EFCAB5: variants seen among roughly 807,000 people sequenced by gnomAD.
EFCAB5 encodes the protein EF-hand calcium binding domain 5.
In EFCAB5, 131 loss-of-function variants were observed where a neutral mutation model predicts 167.9. The ratio of observed to expected loss-of-function variants is 0.78; its 90% CI spans 0.68 to 0.90. EFCAB5 has a LOEUF of 0.90. Ranked by LOEUF, EFCAB5 falls within the 40% of genes least tolerant of loss-of-function variation. The pLI, the probability that EFCAB5 is intolerant of heterozygous loss-of-function variation, is 0.00. For missense variants in EFCAB5, 1,663 were observed against 1,745.2 expected (o/e 0.95, Z 0.84); for synonymous variants, 574 against 602.8 (o/e 0.95, Z 0.70).
intron 8 of EFCAB5, among the ~76,000 whole-genome samples, chr17:30,049,577 CA>C (rs1388344979): frequency 6.6e-6 from 1 of 151,258 alleles, no homozygotes. Context: ...AAAATCCATT[CA>C]CAGAAGAGGA....
intron 7 of EFCAB5, among the ~76,000 whole-genome samples, chr17:30,002,156 A>G (rs2068676494): frequency 6.6e-6 from 1 of 152,186 alleles, no homozygotes; most frequent in Non-Finnish European, 1.5e-5. Flanking sequence ...CTCTATGTCA[A>G]TAAATATTCT....
At chr17:30,038,972 G>A (rs945977764) in intron 8 of EFCAB5, among the ~76,000 whole-genome samples, 1 of 152,024 alleles carries the variant, frequency 6.6e-6, no homozygotes, top group Non-Finnish European at 1.5e-5. Flanking sequence ...CTGGTGTGAC[G>A]AATAAACCCA....
At chr17:30,081,643 C>T (rs2070990109) in intron 17 of EFCAB5, among the ~76,000 whole-genome samples, 1 of 152,188 alleles carries the variant, frequency 6.6e-6, no homozygotes, top group African/African-American at 2.4e-5. Context: ...GGAACTTGAA[C>T]TTGCTATGCC....
At chr17:30,089,107 C>A (rs1029434679) in intron 19 of EFCAB5, among the ~76,000 whole-genome samples, 4 of 152,024 alleles carry the variant, frequency 2.6e-5, no homozygotes, top group Admixed American at 1.3e-4. Flanking sequence ...CACCCCACGA[C>A]AGGCCCCGGT....
intron 4 of EFCAB5, among the ~76,000 whole-genome samples, chr17:29,974,278 C>T (rs2151591841): frequency 6.6e-6 from 1 of 152,032 alleles, no homozygotes; most frequent in African/African-American, 2.4e-5. Context: ...TTGCCAGGTG[C>T]AGTGACTCAC....
rs149794053 is a variant in EFCAB5, at chr17:29,992,520, G to A, written c.768-645G>A. On this transcript the variant is annotated intron_variant, in intron 4 of 22. Coordinates refer to ENST00000394835, the MANE Select transcript of EFCAB5 (RefSeq NM_198529.4). The stretch of plus-strand genomic sequence containing the variant: ...ATGCCACCACACCCGGCTAATTTTT[G>A]TATTTTTAGTAGAGACAGGGTTTTG... Among the ~76,000 whole-genome samples the A allele has an allele frequency of 6.3e-3, 962 of 152,190 alleles. 5 individuals are homozygous for A. Among genetic ancestry groups the A allele is most frequent in the African/African-American group, 0.022 (923 of 41,532 alleles).
At chr17:29,978,535 G>A (rs1285135052) in intron 4 of EFCAB5, among the ~76,000 whole-genome samples, 3 of 152,126 alleles carry the variant, frequency 2.0e-5, no homozygotes, top group Non-Finnish European at 4.4e-5. Flanking sequence ...CTCCCTGGAT[G>A]ACATCCTTGT....
chr17:30,056,477 A>G (rs189652667), intron 12 of EFCAB5, among the ~76,000 whole-genome samples: 103 of 152,310 alleles, frequency 6.8e-4, no homozygotes, highest in Middle Eastern at 6.8e-3. Flanking sequence ...AAAATCAGAC[A>G]TTAGATACTA....
intron 14 of EFCAB5, among the ~76,000 whole-genome samples, chr17:30,068,431 A>G (rs1236027529): frequency 1.3e-5 from 2 of 152,110 alleles, no homozygotes; most frequent in Non-Finnish European, 2.9e-5. Context: ...AGGAATAAAT[A>G]TAACCAGGGA....
intron 22 of EFCAB5, among the ~76,000 whole-genome samples, chr17:30,105,010 A>G (rs1052276130): frequency 2.0e-5 from 3 of 152,116 alleles, no homozygotes; most frequent in African/African-American, 7.2e-5. Flanking sequence ...AAAGGAACAG[A>G]GCTCTTCATG....
intron 3 of EFCAB5, among the ~76,000 whole-genome samples, chr17:29,965,906 C>T (rs2067818371): frequency 6.6e-6 from 1 of 151,880 alleles, no homozygotes; most frequent in South Asian, 2.1e-4. Context: ...GCTATAATGA[C>T]ATGAAGCTTT....
chr17:30,094,429 G>T (rs2071255629), intron 22 of EFCAB5, among the ~76,000 whole-genome samples: 1 of 149,908 alleles, frequency 6.7e-6, no homozygotes, highest in African/African-American at 2.5e-5. Context: ...CCGACACTTT[G>T]GGAGGCCAAC....
Position 30,105,346 on chromosome 17 carries a change from G to T in EFCAB5, c.4322-2488G>T, listed in dbSNP as rs569474798. 5.9e-5 allele frequency among the ~76,000 whole-genome samples: 9 copies of T among 152,240 alleles called. No homozygotes were observed. In the South Asian group the frequency reaches 1.7e-3, roughly 28 times the overall value. On this transcript the variant is annotated intron_variant, in intron 22 of 22. Transcript: ENST00000394835. Reference sequence around the variant, plus strand: ...TACCAAAAATATAAAAATTAGCCAGGCCTGGTGATGGGCGTCTGTAATCCC... The same window carrying T: ...TACCAAAAATATAAAAATTAGCCAGTCCTGGTGATGGGCGTCTGTAATCCC...
chr17:30,015,520 A>G (rs2069013636), intron 7 of EFCAB5, among the ~76,000 whole-genome samples: 1 of 152,222 alleles, frequency 6.6e-6, no homozygotes, highest in African/African-American at 2.4e-5. Flanking sequence ...AGAGAAGTTT[A>G]GAACAATGCC....
chr17:30,053,381 A>T lies in EFCAB5; in HGVS notation c.1427A>T (p.His476Leu). ...ATGAATACATTACTTTCTGCAAATC[A>T]TGCTAGCAAAACCCAAAGTAAATTA... is the stretch of plus-strand genomic sequence containing the variant. ...LEMNTLLSAN[H>L]ASKTQSKLLE... Residue 476 changes from histidine (H) to leucine (L), a missense_variant, in exon 10 of 23, where the codon CAT becomes CTT. By Grantham distance (99) the His-to-Leu change is moderately conservative. Coordinates refer to ENST00000394835, the MANE Select transcript of EFCAB5 (RefSeq NM_198529.4). 1 of 1,614,006 alleles carries T rather than the reference A, an allele frequency of 6.2e-7. No homozygotes were observed. The highest frequency in any genetic ancestry group is 8.5e-7 in the Non-Finnish European group (1 of 1,179,882).
chr17:30,025,702 A>G (rs1305048140), intron 7 of EFCAB5, among the ~76,000 whole-genome samples: 4 of 152,328 alleles, frequency 2.6e-5, no homozygotes, highest in Non-Finnish European at 4.4e-5. Flanking sequence ...TCATGCTGCT[A>G]TAAAGACACA....
chr17:29,956,705 G>T (rs536143841), intron 3 of EFCAB5, among the ~76,000 whole-genome samples: 50 of 152,220 alleles, frequency 3.3e-4, no homozygotes, highest in Middle Eastern at 6.8e-3. Context: ...TGGTTATGTT[G>T]TTGAGTAACA....
rs776883497 is a variant in EFCAB5, at chr17:30,092,869, T to C, written c.4254T>C (p.Ile1418=). 1.2e-6 allele frequency: 2 copies of C among 1,612,100 alleles called. No homozygotes were observed. The highest frequency in any genetic ancestry group is 2.2e-5 in the South Asian group (2 of 90,690). The change falls in exon 22 of 23, where the codon ATT becomes ATC. Residue 1418 remains isoleucine (I), a synonymous_variant. Transcript: ENST00000394835. ...FYVNKYLVNN[I]CAFDPTAKHV... is the part of the protein sequence containing the mutation. ...TTAACAAATATTTAGTCAACAATATTTGTGCCTTTGATCCAACTGCCAAGC... is the reference window on the plus strand; with the variant it reads ...TTAACAAATATTTAGTCAACAATATCTGTGCCTTTGATCCAACTGCCAAGC...
chr17:30,029,488 C>G (rs1332007276), intron 7 of EFCAB5, among the ~76,000 whole-genome samples: 1 of 151,658 alleles, frequency 6.6e-6, no homozygotes, highest in Non-Finnish European at 1.5e-5. Context: ...ACTTTTGTGT[C>G]ATCATAAAGT....
Sources: gnomAD v4.1 joint callset for allele counts (sites outside exome capture counted in the v4.1 genomes callset) on GRCh38, gnomAD v4.1.1 for gene constraint, MANE v1.5 for transcripts, NCBI Gene and HGNC (gene_info 2026-07-23, HGNC 2026-07-21) for gene names.